ARAP1: variants seen among roughly 807,000 people sequenced by gnomAD.
ARAP1 encodes the protein arf-GAP with Rho-GAP domain, ANK repeat and PH domain-containing protein 1.
In ARAP1, 76 loss-of-function variants were observed where a neutral mutation model predicts 172.2. That is an observed-to-expected ratio of 0.44 (90% CI 0.37 to 0.53). ARAP1 has a LOEUF of 0.53. Among genes scored for constraint, ARAP1 ranks in the 20% least tolerant of loss-of-function variants. ARAP1 has a pLI of 0.00. For synonymous variants in ARAP1, 804 were observed against 803.3 expected (o/e 1.00, Z -0.01); for missense variants, 1,686 against 1,977.5 (o/e 0.85, Z 2.80).
chr11:72,686,781 G>A (rs778660899), intron 33 of ARAP1, among the ~76,000 whole-genome samples: 1 of 152,072 alleles, frequency 6.6e-6, no homozygotes, highest in Non-Finnish European at 1.5e-5. Flanking sequence ...CGGTCCCACT[G>A]CCCGACGCTG....
intron 31 of ARAP1, 119 bp downstream of exon 31, chr11:72,688,336 C>T (rs1281727258): frequency 3.5e-6 from 3 of 848,638 alleles, no homozygotes; most frequent in Non-Finnish European, 5.6e-6. Flanking sequence ...CTGGAGACCA[C>T]ACCATCAGAG....
intron 4 of ARAP1, 140 bp from the exon 5 acceptor site, chr11:72,713,383 G>A (rs866863808): frequency 6.9e-6 from 5 of 725,720 alleles, no homozygotes; most frequent in Middle Eastern, 7.7e-4. Context: ...AAAGGCACAG[G>A]GGACAGGAAG....
chr11:72,717,619 C>A (rs1309085447), intron 3 of ARAP1, among the ~76,000 whole-genome samples: 1 of 152,210 alleles, frequency 6.6e-6, no homozygotes, highest in Non-Finnish European at 1.5e-5. Flanking sequence ...CACCCTCCTT[C>A]CTCATTGGGG....
intron 1 of ARAP1, among the ~76,000 whole-genome samples, chr11:72,743,356 T>G (rs1009264471): frequency 6.6e-6 from 1 of 152,134 alleles, no homozygotes; most frequent in African/African-American, 2.4e-5. Context: ...CCCACCCTTC[T>G]GAAGTGCCCC....
At position 72,695,666 on chromosome 11, in the gene ARAP1, T is replaced by C. The variant is rs2135502373; in HGVS notation, c.3421-38A>G. ...GAGAGGCAGGGACAGGTGGTCACCG[T>C]CATCTGCAAGGATCACCCCTGCCCT... On this transcript the variant is annotated intron_variant, in intron 24 of 34. Coordinates refer to ENST00000393609, the MANE Select transcript of ARAP1 (RefSeq NM_001040118.3). This position sits in a 1 kb window ranked among gnomAD's most constrained non-coding sequence, Gnocchi z 4.4. 6.2e-7 allele frequency: 1 copy of C among 1,614,054 alleles called. No individual in the cohort carries two copies. The highest frequency in any genetic ancestry group is 8.5e-7 in the Non-Finnish European group (1 of 1,179,964).
chr11:72,700,714 T>C (rs184231734), intron 16 of ARAP1, among the ~76,000 whole-genome samples: 81 of 152,216 alleles, frequency 5.3e-4, no homozygotes, highest in African/African-American at 1.9e-3. Flanking sequence ...GTGAAGAAAA[T>C]GCAGGGTAGC....
At chr11:72,722,105 GTGTT>G (rs1857537648) in intron 3 of ARAP1, 8 of 985,442 alleles carry the variant, frequency 8.1e-6, no homozygotes, top group Non-Finnish European at 9.6e-6. Context: ...ACGTGCGTGT[GTGTT>G]TGTTTCTGTG....
chr11:72,750,025 G>T (rs1264339431), intron 1 of ARAP1, among the ~76,000 whole-genome samples: 2 of 152,190 alleles, frequency 1.3e-5, no homozygotes, highest in Non-Finnish European at 2.9e-5. Context: ...TGTGAAAGAA[G>T]CTTTTAGGCC....
intron 2 of ARAP1, 27 bp from the exon 3 acceptor site, chr11:72,727,199 A>G (rs1857718733): frequency 6.8e-7 from 1 of 1,470,564 alleles, no homozygotes; most frequent in African/African-American, 1.4e-5. Flanking sequence ...GGCACAGGTC[A>G]GAGGCAGGGC....
chr11:72,709,835 G>A, intron 11 of ARAP1, 35 bp downstream of exon 11: 2 of 1,601,684 alleles, frequency 1.2e-6, no homozygotes, highest in Non-Finnish European at 1.7e-6. Context: ...AGGAAGGAGT[G>A]AGGATGCCGG....
rs1325059866 is a variant in ARAP1 at position 72,695,087 on chromosome 11, G to C, written c.3587C>G (p.Ser1196Cys). ...ETEQHIKVPA[S>C]MTAEELTLEI... The stretch of plus-strand genomic sequence containing the variant: ...CAGGGTGAGCTCCTCAGCAGTCATG[G>C]ATGCTGGGACCTGCAAGGACCAAGG... Residue 1196 changes from serine to cysteine, a missense_variant, in exon 27 of 35, where the codon TCC becomes TGC. Coordinates refer to ENST00000393609, the MANE Select transcript of ARAP1 (RefSeq NM_001040118.3). The surrounding 1 kb of genome is among the most constrained non-coding windows in gnomAD (Gnocchi z 4.4). 6.2e-7 allele frequency: 1 copy of C among 1,613,888 alleles called. No homozygotes were observed. Among genetic ancestry groups the C allele is most frequent in the African/African-American group, 1.3e-5 (1 of 74,920 alleles).
Position 72,710,104 on chromosome 11 carries a change from G to A in ARAP1, c.1417-128C>T. ...GGGGTGCCCAGGAGGGAGACAGCAG[G>A]GGACATGGGAGGCTGGGCAGGGTAA... On this transcript the variant is annotated intron_variant, in intron 10 of 34. Coordinates refer to ENST00000393609, the MANE Select transcript of ARAP1 (RefSeq NM_001040118.3). The surrounding 1 kb of genome is among the most constrained non-coding windows in gnomAD (Gnocchi z 4.3). 1.1e-6 allele frequency: 1 copy of A among 878,198 alleles called. No individual in the cohort carries two copies. The highest frequency in any genetic ancestry group is 1.9e-6 in the Non-Finnish European group (1 of 538,298). 54.4% of individuals were successfully genotyped at this position (878,198 alleles called of 1,614,324 possible). A position where few individuals can be genotyped will look rare whatever the true frequency, so the allele number is the denominator to read the frequency against.
rs373026489 is a variant in ARAP1, at chr11:72,710,982, C to G, written c.1213+39G>C. On this transcript the variant is annotated intron_variant, in intron 9 of 34. Coordinates refer to ENST00000393609, the MANE Select transcript of ARAP1 (RefSeq NM_001040118.3). The surrounding 1 kb of genome is among the most constrained non-coding windows in gnomAD (Gnocchi z 4.3). Reference sequence around the variant, plus strand: ...TGCCCAAACTTCCAGTCTTCTCTACCCTCTTCTACACACACACACAACACC... The same window carrying G: ...TGCCCAAACTTCCAGTCTTCTCTACGCTCTTCTACACACACACACAACACC... 3.1e-6 allele frequency: 5 copies of G among 1,612,160 alleles called. No individual in the cohort carries two copies. In the African/African-American group the frequency reaches 6.7e-5, roughly 22 times the overall value.
chr11:72,738,993 T>G (rs1858122039), intron 1 of ARAP1, among the ~76,000 whole-genome samples: 1 of 152,084 alleles, frequency 6.6e-6, no homozygotes, highest in South Asian at 2.1e-4. Flanking sequence ...CTCCTGGGCC[T>G]TCTCCAGGCT....
chr11:72,697,063 G>C lies in ARAP1; in HGVS notation c.3086C>G (p.Ser1029Trp). The change falls in exon 22 of 35, where the codon TCG becomes TGG. Residue 1029 changes from serine (S) to tryptophan (W), a missense_variant. Coordinates refer to ENST00000393609, the MANE Select transcript of ARAP1 (RefSeq NM_001040118.3). ...EGEQHVDDVS[S>W]ALKRFLRDLP... ...GTCGCGCAGGAAGCGCTTGAGCGCCGAGGAAACATCATCCACGTGCTGCTC... is the reference window on the plus strand; with the variant it reads ...GTCGCGCAGGAAGCGCTTGAGCGCCCAGGAAACATCATCCACGTGCTGCTC... 1 of 1,610,310 alleles carries C rather than the reference G, an allele frequency of 6.2e-7. No homozygotes were observed. The highest frequency in any genetic ancestry group is 1.1e-5 in the South Asian group (1 of 91,086).
intron 1 of ARAP1, among the ~76,000 whole-genome samples, 170 bp from the exon 2 acceptor site, chr11:72,732,767 G>A (rs561626889): frequency 6.6e-6 from 1 of 152,272 alleles, no homozygotes; most frequent in African/African-American, 2.4e-5. Flanking sequence ...GTGGATTCGA[G>A]TCCAGGAGTT....
At chr11:72,738,551 G>A (rs1215987327) in intron 1 of ARAP1, among the ~76,000 whole-genome samples, 1 of 152,042 alleles carries the variant, frequency 6.6e-6, no homozygotes, top group Non-Finnish European at 1.5e-5. Context: ...TCCTAACTGA[G>A]GCCTCAGCTT....
At chr11:72,750,403 A>C (rs1858497217) in intron 1 of ARAP1, among the ~76,000 whole-genome samples, 1 of 151,908 alleles carries the variant, frequency 6.6e-6, no homozygotes, top group Admixed American at 6.6e-5. Context: ...GGAAGGAGAG[A>C]GGGCTCCGGA....
chr11:72,732,130 T>C (rs745906576), intron 2 of ARAP1, among the ~76,000 whole-genome samples: 7 of 152,190 alleles, frequency 4.6e-5, no homozygotes, highest in Non-Finnish European at 8.8e-5. Context: ...CTTTTAAATT[T>C]TGTATCATTT....
Sources: gnomAD v4.1 joint callset for allele counts (sites outside exome capture counted in the v4.1 genomes callset) on GRCh38, gnomAD v4.1.1 for gene constraint, Gnocchi (gnomAD v3.1) non-coding constraint, MANE v1.5 for transcripts, NCBI Gene and HGNC (gene_info 2026-07-23, HGNC 2026-07-21) for gene names.